Variants in MAPK4 observed in about 807,000 individuals in gnomAD.
MAPK4 encodes Erk3-related.
In MAPK4, 22 loss-of-function variants were observed where a neutral mutation model predicts 47.7. The ratio of observed to expected loss-of-function variants is 0.46; its 90% CI spans 0.33 to 0.66. The LOEUF is 0.66. Among genes scored for constraint, MAPK4 ranks in the 30% least tolerant of loss-of-function variants. The probability of loss-of-function intolerance (pLI) is 0.02; values close to 1 mark genes in which losing one functional copy is unlikely to be tolerated. For missense variants in MAPK4, 736 were observed against 831.7 expected, an observed-to-expected ratio of 0.88 and a Z score of 1.42; for synonymous variants, 390 against 365.7, an observed-to-expected ratio of 1.07 and a Z score of -0.76.
rs755045853 is a variant in MAPK4, at chr18:50,664,114, C to T, written c.156C>T (p.Ala52=). The stretch of plus-strand genomic sequence containing the variant: ...GGAAGGTCGCTGTGAAGAAGATTGC[C>T]CTGAGCGATGCCCGCAGCATGAAGC... ...ACRKVAVKKI[A]LSDARSMKHA... is the part of the protein sequence containing the mutation. The change falls in exon 2 of 6, where the codon GCC becomes GCT. Residue 52 remains alanine (A), a synonymous_variant. Coordinates refer to ENST00000400384, the MANE Select transcript of MAPK4 (RefSeq NM_002747.4). The surrounding 1 kb of genome is among the most constrained non-coding windows in gnomAD (Gnocchi z 6.0). 1 of 1,614,090 alleles carries T rather than the reference C, an allele frequency of 6.2e-7. No individual in the cohort carries two copies. Among genetic ancestry groups the T allele is most frequent in the African/African-American group, 1.3e-5 (1 of 75,032 alleles).
chr18:50,583,272 T>C (rs1272626704), intron 1 of MAPK4, among the ~76,000 whole-genome samples: 1 of 152,116 alleles, frequency 6.6e-6, no homozygotes. Context: ...CACCATTCGA[T>C]TGGTTAAAAG....
chr18:50,656,820 G>A (rs765983903), intron 1 of MAPK4, among the ~76,000 whole-genome samples: 1 of 152,202 alleles, frequency 6.6e-6, no homozygotes, highest in African/African-American at 2.4e-5. Flanking sequence ...CAGAAGCCAT[G>A]TGTCCTACCT....
At chr18:50,725,870 C>T (rs1270920974) in intron 4 of MAPK4, 92 bp from the exon 5 acceptor site, 13 of 1,039,928 alleles carry the variant, frequency 1.3e-5, no homozygotes, top group Non-Finnish European at 1.7e-5. Flanking sequence ...GAAGCACAGA[C>T]ACCAGCACAG....
At chr18:50,725,867 A>G in intron 4 of MAPK4, 95 bp from the exon 5 acceptor site, 1 of 1,015,060 alleles carries the variant, frequency 9.9e-7, no homozygotes, top group Non-Finnish European at 1.6e-6. Context: ...GCAGAAGCAC[A>G]GACACCAGCA....
rs560951629 is a variant in MAPK4 at position 50,642,620 on chromosome 18, G to A, written c.-870-20469G>A. Among the ~76,000 whole-genome samples the A allele has an allele frequency of 3.0e-4, 46 of 152,312 alleles. 1 individual carries two copies. Among genetic ancestry groups the A allele is most frequent in the African/African-American group, 1.1e-3 (45 of 41,572 alleles). ...ATGAGTTGAACAACCCCTGCAGGGT[G>A]TTAACCACAGGGGGACCATCTGGCC... On this transcript the variant is annotated intron_variant, in intron 1 of 5. Coordinates refer to ENST00000400384, the MANE Select transcript of MAPK4 (RefSeq NM_002747.4).
At chr18:50,589,166 C>T (rs1337794183) in intron 1 of MAPK4, among the ~76,000 whole-genome samples, 2 of 152,156 alleles carry the variant, frequency 1.3e-5, no homozygotes, top group Non-Finnish European at 1.5e-5. Context: ...CATTTGGGCT[C>T]CTTTCTGGGA....
chr18:50,624,864 G>T (rs2042762908), intron 1 of MAPK4, among the ~76,000 whole-genome samples: 1 of 151,984 alleles, frequency 6.6e-6, no homozygotes, highest in South Asian at 2.1e-4. Flanking sequence ...GGCTGCCTGG[G>T]ATCTAGAGAA....
At position 50,618,934 on chromosome 18, in the gene MAPK4, TGGCCCG is replaced by T. The variant is rs139244872; in HGVS notation, c.-870-44152_-870-44147del. Among the ~76,000 whole-genome samples the T allele has an allele frequency of 7.0e-3, 1,070 of 152,224 alleles. 7 individuals carry two copies. Among genetic ancestry groups the T allele is most frequent in the East Asian group, 0.04 (208 of 5,156 alleles). ...TCAAGCCCTCCAAGATGCAGGTACCTGGCCCGGGTAACTGCCTTCTATAGAATATCT... is the reference window on the plus strand; with the variant it reads ...TCAAGCCCTCCAAGATGCAGGTACCTGGTAACTGCCTTCTATAGAATATCT... On this transcript the variant is annotated intron_variant, in intron 1 of 5. Coordinates refer to ENST00000400384, the MANE Select transcript of MAPK4 (RefSeq NM_002747.4).
At chr18:50,711,647 G>A (rs1281271582) in intron 2 of MAPK4, among the ~76,000 whole-genome samples, 1 of 152,214 alleles carries the variant, frequency 6.6e-6, no homozygotes, top group Non-Finnish European at 1.5e-5. Flanking sequence ...CCTGCCTGGG[G>A]AGACCAGGTC....
chr18:50,727,603 C>T (rs180888465), intron 5 of MAPK4, among the ~76,000 whole-genome samples: 5 of 152,232 alleles, frequency 3.3e-5, no homozygotes, highest in African/African-American at 1.2e-4. Context: ...AGGCAAAGAA[C>T]ATTGGCTCAG....
intron 2 of MAPK4, among the ~76,000 whole-genome samples, chr18:50,709,207 C>G (rs760821136): frequency 2.6e-5 from 4 of 152,184 alleles, no homozygotes; most frequent in African/African-American, 9.7e-5. Flanking sequence ...TCCTGGGAAC[C>G]CAGTCCCCTG....
chr18:50,707,161 G>A (rs572268443), intron 2 of MAPK4, among the ~76,000 whole-genome samples: 2 of 152,120 alleles, frequency 1.3e-5, no homozygotes, highest in African/African-American at 4.8e-5. Context: ...GAGGTCCCTA[G>A]AGCCATCAAA....
chr18:50,688,280 T>C (rs1429575891), intron 2 of MAPK4, among the ~76,000 whole-genome samples: 3 of 152,186 alleles, frequency 2.0e-5, no homozygotes, highest in Non-Finnish European at 4.4e-5. Flanking sequence ...TTGGAGGTGC[T>C]GAGTTCTGCA....
intron 2 of MAPK4, chr18:50,704,701 T>G (rs760141873): frequency 6.0e-5 from 24 of 398,524 alleles, no homozygotes; most frequent in Non-Finnish European, 9.3e-5. Context: ...GGAGGGAACT[T>G]TGGGGCCTGG....
chr18:50,714,924 G>A (rs561188329), intron 2 of MAPK4, among the ~76,000 whole-genome samples, 155 bp from the exon 3 acceptor site: 1 of 152,226 alleles, frequency 6.6e-6, no homozygotes, highest in South Asian at 2.1e-4. Flanking sequence ...CCAGACGTCT[G>A]TTCACTCATG....
chr18:50,661,363 G>C (rs1407696818), intron 1 of MAPK4, among the ~76,000 whole-genome samples: 1 of 152,186 alleles, frequency 6.6e-6, no homozygotes, highest in Non-Finnish European at 1.5e-5. Context: ...ATAGAATCTG[G>C]TTCACTGGGT....
intron 2 of MAPK4, among the ~76,000 whole-genome samples, chr18:50,690,903 C>T (rs1408666865): frequency 2.0e-5 from 3 of 151,770 alleles, no homozygotes; most frequent in African/African-American, 7.3e-5. Context: ...TCATAGTGTG[C>T]CCTGGGAATG....
chr18:50,680,944 T>A (rs1468162374), intron 2 of MAPK4, among the ~76,000 whole-genome samples: 1 of 152,220 alleles, frequency 6.6e-6, no homozygotes, highest in African/African-American at 2.4e-5. Flanking sequence ...GGTATATACC[T>A]AGGAGCGAAA....
At chr18:50,624,549 GTTA>G (rs1228808606) in intron 1 of MAPK4, among the ~76,000 whole-genome samples, 1 of 152,152 alleles carries the variant, frequency 6.6e-6, no homozygotes, top group Non-Finnish European at 1.5e-5. Context: ...TTTTGAAAAT[GTTA>G]TTATAAGCAG....
Sources: allele counts gnomAD v4.1 joint callset (sites outside exome capture counted in the v4.1 genomes callset), GRCh38; gene constraint gnomAD v4.1.1; non-coding constraint Gnocchi (gnomAD v3.1); transcripts MANE v1.5; gene names NCBI Gene and HGNC (gene_info 2026-07-23, HGNC 2026-07-21).